The following TSHZ2 variants were observed in gnomAD, a reference collection of about 807,000 sequenced individuals.
The protein encoded by TSHZ2 is teashirt zinc finger homeobox 2.
TSHZ2 carries 21 observed loss-of-function variants against 74.4 expected under a neutral mutation model. The ratio of observed to expected loss-of-function variants is 0.28; its 90% CI spans 0.20 to 0.41. The LOEUF (loss-of-function observed/expected upper bound fraction) is 0.41. Ranked by LOEUF, TSHZ2 falls within the 10% of genes least tolerant of loss-of-function variation. The pLI, the probability that TSHZ2 is intolerant of heterozygous loss-of-function variation, is 1.00. For missense variants in TSHZ2, 1,244 were observed against 1,293.5 expected, an observed-to-expected ratio of 0.96 and a Z score of 0.59; for synonymous variants, 540 against 515.3, an observed-to-expected ratio of 1.05 and a Z score of -0.65.
Position 53,476,039 on chromosome 20 carries a change from T to G in TSHZ2, c.*9-11105T>G, listed in dbSNP as rs1264144168. Among the ~76,000 whole-genome samples, 2 of 134,602 alleles carry G rather than the reference T, an allele frequency of 1.5e-5. 1 individual carries two copies. Among genetic ancestry groups the G allele is most frequent in the African/African-American group, 5.9e-5 (2 of 34,078 alleles). The allele number at this position is 134,602 out of a possible 152,430, so 88.3% of individuals were successfully genotyped here. A position where few individuals can be genotyped will look rare whatever the true frequency, so the allele number is the denominator to read the frequency against. ...TCAATAGCTTACCAACCAAAAAGAG[T>G]CCAGGACCAGATGGATTCACAGCCG... On this transcript the variant is annotated intron_variant, in intron 2 of 2. Transcript: ENST00000371497.
chr20:53,143,678 C>A (rs1600710397), intron 1 of TSHZ2, among the ~76,000 whole-genome samples: 2 of 152,042 alleles, frequency 1.3e-5, no homozygotes, highest in East Asian at 3.9e-4. Flanking sequence ...GGCAACAGAG[C>A]AAGACTCCGT....
intron 2 of TSHZ2, among the ~76,000 whole-genome samples, chr20:53,300,073 A>G (rs1018890539): frequency 5.9e-5 from 9 of 152,338 alleles, no homozygotes; most frequent in African/African-American, 2.2e-4. Context: ...ACTTGTGAAC[A>G]AAGTGTTTAT....
At chr20:52,975,857 G>C (rs1981316570) in intron 1 of TSHZ2, among the ~76,000 whole-genome samples, 1 of 152,154 alleles carries the variant, frequency 6.6e-6, no homozygotes, top group African/African-American at 2.4e-5. Flanking sequence ...TTAACATCCA[G>C]GGAAGGGGAG....
chr20:53,008,980 C>CCTCTCTCTCTCTCTCTCTCTCTCT (rs55692015), intron 1 of TSHZ2, among the ~76,000 whole-genome samples: 1 of 130,482 alleles, frequency 7.7e-6, no homozygotes, highest in African/African-American at 3.1e-5. Flanking sequence ...TTGTCTTTCT[C>CCTCTCTCTCTCTCTCTCTCTCTCT]CTCTCTCTCT....
At chr20:52,993,721 G>A (rs2122928125) in intron 1 of TSHZ2, among the ~76,000 whole-genome samples, 1 of 152,190 alleles carries the variant, frequency 6.6e-6, no homozygotes, top group Non-Finnish European at 1.5e-5. Flanking sequence ...CTTATTGAAA[G>A]AAAAAAATAA....
intron 1 of TSHZ2, among the ~76,000 whole-genome samples, chr20:53,081,552 C>A (rs1985534026): frequency 1.3e-5 from 2 of 152,308 alleles, no homozygotes; most frequent in South Asian, 4.1e-4. Context: ...CCCCACCCAC[C>A]CATGCACAAT....
At chr20:53,427,800 G>A (rs1054057592) in intron 2 of TSHZ2, among the ~76,000 whole-genome samples, 6 of 152,164 alleles carry the variant, frequency 3.9e-5, no homozygotes, top group African/African-American at 1.4e-4. Context: ...GTGAATCCCA[G>A]CTGCATCCTG....
intron 2 of TSHZ2, among the ~76,000 whole-genome samples, chr20:53,300,931 G>A (rs1991466052): frequency 6.6e-6 from 1 of 152,104 alleles, no homozygotes; most frequent in South Asian, 2.1e-4. Context: ...TACAGACAGA[G>A]TGATTTCTTT....
chr20:53,113,356 G>A (rs1986584811), intron 1 of TSHZ2, among the ~76,000 whole-genome samples: 1 of 152,130 alleles, frequency 6.6e-6, no homozygotes, highest in Admixed American at 6.5e-5. Context: ...TTCGTTGTTC[G>A]TTAGCCCACT....
At chr20:53,369,145 G>T (rs1981378006) in intron 2 of TSHZ2, among the ~76,000 whole-genome samples, 1 of 152,004 alleles carries the variant, frequency 6.6e-6, no homozygotes, top group African/African-American at 2.4e-5. Flanking sequence ...CACACCTGTA[G>T]TCCCAGCTAC....
chr20:53,421,755 T>A (rs1417729152), intron 2 of TSHZ2: 1 of 141,598 alleles, frequency 7.1e-6, no homozygotes, highest in Non-Finnish European at 1.5e-5. Context: ...CGATCTTGGC[T>A]CACTGCAAGC....
At position 53,229,181 on chromosome 20, in the gene TSHZ2, T is replaced by A. The variant is rs565016639; in HGVS notation, c.41-24318T>A. The stretch of plus-strand genomic sequence containing the variant: ...GGAAGCATCGATTGGCTATGAAAGC[T>A]CAGTAAATTGTAATGAATGAGCCCC... On this transcript the variant is annotated intron_variant, in intron 1 of 2. Transcript: ENST00000371497. 1.6e-4 allele frequency among the ~76,000 whole-genome samples: 25 copies of A among 152,236 alleles called. No individual in the cohort carries two copies. The South Asian group carries it at 5.0e-3, about 30-fold the overall frequency.
At chr20:53,094,342 G>T (rs1265808212) in intron 1 of TSHZ2, among the ~76,000 whole-genome samples, 1 of 152,054 alleles carries the variant, frequency 6.6e-6, no homozygotes, top group Non-Finnish European at 1.5e-5. Context: ...TTTAAAAAAT[G>T]ATTTACTTAA....
chr20:53,370,219 C>T (rs908188199), intron 2 of TSHZ2, among the ~76,000 whole-genome samples: 16 of 152,006 alleles, frequency 1.1e-4, no homozygotes, highest in African/African-American at 1.7e-4. Context: ...CCTGAGCCGA[C>T]GAGGGCATGA....
intron 1 of TSHZ2, among the ~76,000 whole-genome samples, chr20:53,131,162 A>G (rs1287829667): frequency 6.6e-6 from 1 of 152,174 alleles, no homozygotes; most frequent in Non-Finnish European, 1.5e-5. Context: ...ACGTTTTGTT[A>G]TGTGTTTTGT....
chr20:53,171,043 T>G (rs1988189361), intron 1 of TSHZ2, among the ~76,000 whole-genome samples: 1 of 152,220 alleles, frequency 6.6e-6, no homozygotes. Context: ...GCAGCTTTAA[T>G]TTAGACATCG....
intron 1 of TSHZ2, among the ~76,000 whole-genome samples, chr20:53,176,765 C>A (rs926660404): frequency 6.6e-6 from 1 of 151,260 alleles, no homozygotes; most frequent in Admixed American, 6.6e-5. Context: ...CGGCTCACTG[C>A]AACCTCCGCC....
chr20:53,254,472 A>T lies in TSHZ2; in HGVS notation c.1014A>T (p.Gly338=). Residue 338 remains glycine (G), a synonymous_variant, in exon 2 of 3, where the codon GGA becomes GGT. Transcript: ENST00000371497. ...CGTGTTCCCCCGATTCAACCACAGG[A>T]TCTTTTGCAGATTCTTTTTCTTCTC... is the stretch of plus-strand genomic sequence containing the variant. ...NRPCSPDSTT[G]SFADSFSSQK... The T allele has an allele frequency of 6.2e-7, 1 of 1,614,054 alleles. No individual in the cohort carries two copies. Among genetic ancestry groups the T allele is most frequent in the Non-Finnish European group, 8.5e-7 (1 of 1,179,918 alleles).
intron 1 of TSHZ2, among the ~76,000 whole-genome samples, chr20:53,130,719 A>G (rs1056388807): frequency 7.2e-5 from 11 of 152,324 alleles, no homozygotes; most frequent in African/African-American, 2.6e-4. Flanking sequence ...GTTAGGAGAG[A>G]AGATCTCAGT....
Sources: allele counts gnomAD v4.1 joint callset (sites outside exome capture counted in the v4.1 genomes callset), GRCh38; gene constraint gnomAD v4.1.1; transcripts MANE v1.5; gene names NCBI Gene and HGNC (gene_info 2026-07-23, HGNC 2026-07-21).